The following SLC1A3 variants were observed in gnomAD, a reference collection of about 807,000 sequenced individuals.
SLC1A3 encodes solute carrier family 1 member 3.
In SLC1A3, 21 loss-of-function variants were observed where a neutral mutation model predicts 48.1. The ratio of observed to expected loss-of-function variants is 0.44; its 90% CI spans 0.31 to 0.63. The LOEUF (loss-of-function observed/expected upper bound fraction) is 0.63. Ranked by LOEUF, SLC1A3 falls within the 20% of genes least tolerant of loss-of-function variation. The probability of loss-of-function intolerance (pLI) is 0.08; values close to 1 mark genes in which losing one functional copy is unlikely to be tolerated. For synonymous variants in SLC1A3, 239 were observed against 251.4 expected, an observed-to-expected ratio of 0.95 and a Z score of 0.47; for missense variants, 546 against 689.0, an observed-to-expected ratio of 0.79 and a Z score of 2.32.
In SLC1A3 at chr5:36,677,063, G is replaced by A; in HGVS notation, c.739G>A (p.Val247Ile). The A allele has an allele frequency of 6.2e-7, 1 of 1,614,148 alleles. No homozygotes were observed. The highest frequency in any genetic ancestry group is 8.5e-7 in the Non-Finnish European group (1 of 1,180,000). ...SVNGVNALGL[V>I]VFSMCFGFVI... ...GAATGGAGTCAATGCCCTGGGTCTA[G>A]TTGTCTTCTCCATGTGCTTCGGTTT... The change falls in exon 6 of 10, where the codon GTT becomes ATT. Residue 247 changes from valine (V) to isoleucine (I), a missense_variant. Physicochemically the swap from Val to Ile is conservative, Grantham distance 29 (BLOSUM62 3). Around this residue, in one of 3 missense-constraint regions of SLC1A3, gnomAD observed 348 missense variants for 392.0 expected, o/e 0.89. Transcript: ENST00000265113.
At chr5:36,677,240 A>T in intron 6 of SLC1A3, 56 bp downstream of exon 6, 3 of 1,496,474 alleles carry the variant, frequency 2.0e-6, no homozygotes, top group Non-Finnish European at 2.8e-6. Context: ...TGCCATCAAC[A>T]TGTGTTCTGT....
At chr5:36,685,102 A>G (rs1297191529) in intron 9 of SLC1A3, among the ~76,000 whole-genome samples, 3 of 152,166 alleles carry the variant, frequency 2.0e-5, no homozygotes, top group Non-Finnish European at 2.9e-5. Flanking sequence ...TATTAGACAC[A>G]CTTATAAATT....
chr5:36,644,864 T>G (rs1289052445), intron 3 of SLC1A3, among the ~76,000 whole-genome samples: 1 of 152,204 alleles, frequency 6.6e-6, no homozygotes, highest in Non-Finnish European at 1.5e-5. Flanking sequence ...GTGGTTGTCC[T>G]GTGAGGTGGT....
chr5:36,636,465 T>C (rs949515922), intron 3 of SLC1A3: 1 of 30,778 alleles, frequency 3.2e-5, no homozygotes, highest in Non-Finnish European at 7.3e-5. Flanking sequence ...TTTCTTTCTT[T>C]TCTTTCTTTC....
At chr5:36,671,696 T>C (rs537266705) in intron 4 of SLC1A3, among the ~76,000 whole-genome samples, 2 of 152,302 alleles carry the variant, frequency 1.3e-5, no homozygotes, top group East Asian at 3.9e-4. Flanking sequence ...TTAGAGATCA[T>C]CTTGTCAAAC....
intron 2 of SLC1A3, among the ~76,000 whole-genome samples, chr5:36,623,377 G>A (rs1315316999): frequency 1.3e-5 from 2 of 152,162 alleles, no homozygotes; most frequent in Non-Finnish European, 2.9e-5. Context: ...CTGCTAGGAA[G>A]TTATTTTGAT....
intron 3 of SLC1A3, chr5:36,649,175 C>T (rs887926581): frequency 1.3e-5 from 2 of 151,894 alleles, no homozygotes; most frequent in Non-Finnish European, 2.9e-5. Context: ...GAAACCCCAT[C>T]TCTACTAAAA....
intron 4 of SLC1A3, among the ~76,000 whole-genome samples, chr5:36,671,813 T>A (rs1742007903): frequency 6.6e-6 from 1 of 152,212 alleles, no homozygotes; most frequent in Non-Finnish European, 1.5e-5. Context: ...ATACAAACCA[T>A]ACGTTGATTA....
rs537957563 is a variant in SLC1A3, at chr5:36,625,647, T to C, written c.182-3803T>C. Among the ~76,000 whole-genome samples the C allele has an allele frequency of 2.0e-4, 30 of 152,164 alleles. 1 individual carries two copies. In the South Asian group the frequency reaches 5.6e-3, roughly 28 times the overall value. On this transcript the variant is annotated intron_variant, in intron 2 of 9. Transcript: ENST00000265113. ...CAGAAATAGTAAACCAACCAAAGCA[T>C]AGTCAGGGATAAAAATGATTCAAAA...
intron 3 of SLC1A3, chr5:36,669,089 A>T (rs1053223835): frequency 3.3e-5 from 5 of 152,210 alleles, no homozygotes; most frequent in African/African-American, 1.2e-4. Flanking sequence ...TGGTACCCAG[A>T]GATATCCGGC....
At chr5:36,651,834 G>C (rs1741089676) in intron 3 of SLC1A3, among the ~76,000 whole-genome samples, 2 of 152,002 alleles carry the variant, frequency 1.3e-5, no homozygotes, top group Non-Finnish European at 2.9e-5. Flanking sequence ...ATAAAGTGTT[G>C]TGAAAGTCTC....
At chr5:36,670,991 G>A (rs1233078756) in intron 3 of SLC1A3, 38 bp from the exon 4 acceptor site, 1 of 1,574,662 alleles carries the variant, frequency 6.4e-7, no homozygotes, top group South Asian at 1.1e-5. Context: ...GAATTCCCTG[G>A]ACTGACTTCC....
At chr5:36,627,143 T>C (rs1285100140) in intron 2 of SLC1A3, among the ~76,000 whole-genome samples, 1 of 152,078 alleles carries the variant, frequency 6.6e-6, no homozygotes, top group African/African-American at 2.4e-5. Flanking sequence ...ATAAAAATAA[T>C]CTACCCAACA....
At chr5:36,672,416 C>A (rs1162490699) in intron 4 of SLC1A3, among the ~76,000 whole-genome samples, 1 of 152,206 alleles carries the variant, frequency 6.6e-6, no homozygotes, top group Non-Finnish European at 1.5e-5. Flanking sequence ...GCCCCATCTG[C>A]TCAGCATTCC....
chr5:36,679,339 T>C (rs1330097243), intron 6 of SLC1A3, among the ~76,000 whole-genome samples: 1 of 152,090 alleles, frequency 6.6e-6, no homozygotes, highest in Non-Finnish European at 1.5e-5. Flanking sequence ...TGTATCTGCC[T>C]TTTCCCCCAG....
Position 36,608,498 on chromosome 5 carries a change from C to G in SLC1A3, c.75C>G (p.Arg25=). Residue 25 remains arginine (R), a synonymous_variant, in exon 2 of 10, where the codon CGC becomes CGG. Coordinates refer to ENST00000265113, the MANE Select transcript of SLC1A3 (RefSeq NM_004172.5). Reference sequence around the variant, plus strand: ...GATTCCAGCAGGGAGTCCGTAAACGCACACTTTTGGCCAAGAAGAAAGTGC... The same window carrying G: ...GATTCCAGCAGGGAGTCCGTAAACGGACACTTTTGGCCAAGAAGAAAGTGC... ...MERFQQGVRK[R]TLLAKKKVQN... 6.2e-7 allele frequency: 1 copy of G among 1,613,938 alleles called. No homozygotes were observed. The highest frequency in any genetic ancestry group is 1.3e-5 in the African/African-American group (1 of 75,024).
intron 3 of SLC1A3, among the ~76,000 whole-genome samples, chr5:36,650,666 A>T (rs764849410): frequency 6.6e-6 from 1 of 152,170 alleles, no homozygotes; most frequent in African/African-American, 2.4e-5. Context: ...CTTTCCCCCA[A>T]ACCATTGGTT....
chr5:36,651,837 A>G (rs1340850891), intron 3 of SLC1A3, among the ~76,000 whole-genome samples: 2 of 152,082 alleles, frequency 1.3e-5, no homozygotes, highest in Admixed American at 6.5e-5. Flanking sequence ...AAGTGTTGTG[A>G]AAGTCTCCAC....
In SLC1A3 at chr5:36,616,072, T is replaced by C. The variant is rs139321467; in HGVS notation, c.181+7468T>C. ...TTAGCCAGGCGCGGTGGCGGCTGCC[T>C]GTAATCCCAGCTACTCGGGAGGCTG... is the stretch of plus-strand genomic sequence containing the variant. On this transcript the variant is annotated intron_variant, in intron 2 of 9. Transcript: ENST00000265113. Among the ~76,000 whole-genome samples the C allele has an allele frequency of 7.7e-3, 1,179 of 152,254 alleles. 7 individuals carry two copies. The highest frequency in any genetic ancestry group is 0.011 in the Non-Finnish European group (732 of 68,022).
Sources: gnomAD v4.1 joint callset for allele counts (sites outside exome capture counted in the v4.1 genomes callset) on GRCh38, gnomAD v4.1.1 for gene constraint, gnomAD v4.1.1 regional missense constraint, MANE v1.5 for transcripts, NCBI Gene and HGNC (gene_info 2026-07-23, HGNC 2026-07-21) for gene names.